LRIG3: variants seen among roughly 807,000 people sequenced by gnomAD.
The protein encoded by LRIG3 is leucine rich repeats and immunoglobulin like domains 3, also known as leucine-rich repeats and immunoglobulin-like domains protein 3.
In LRIG3, 76 loss-of-function variants were observed where a neutral mutation model predicts 114.5. The observed-to-expected ratio is 0.66, with a 90% CI of 0.55 to 0.80. The LOEUF is 0.80. Ranked by LOEUF, LRIG3 falls within the 30% of genes least tolerant of loss-of-function variation. The pLI, the probability that LRIG3 is intolerant of heterozygous loss-of-function variation, is 0.00. For synonymous variants in LRIG3, 512 were observed against 519.8 expected, an observed-to-expected ratio of 0.98 and a Z score of 0.20; for missense variants, 1,239 against 1,382.8, an observed-to-expected ratio of 0.90 and a Z score of 1.65.
intron 3 of LRIG3, among the ~76,000 whole-genome samples, chr12:58,905,836 C>T (rs1872044679): frequency 6.6e-6 from 1 of 152,158 alleles, no homozygotes; most frequent in African/African-American, 2.4e-5. Context: ...CCAAATGAGG[C>T]CCATCAACCT....
chr12:58,874,681 T>C, intron 16 of LRIG3, 108 bp from the exon 17 acceptor site: 1 of 1,432,628 alleles, frequency 7.0e-7, no homozygotes, highest in Non-Finnish European at 9.4e-7. Flanking sequence ...GACTAGAACA[T>C]CATATAGACA....
chr12:58,886,420 T>C (rs924941427), intron 9 of LRIG3, among the ~76,000 whole-genome samples: 1 of 151,792 alleles, frequency 6.6e-6, no homozygotes, highest in Non-Finnish European at 1.5e-5. Context: ...CACAGCATTA[T>C]CAGTGGCTAC....
intron 5 of LRIG3, among the ~76,000 whole-genome samples, chr12:58,889,648 C>A (rs1197404919): frequency 6.6e-6 from 1 of 152,124 alleles, no homozygotes; most frequent in Non-Finnish European, 1.5e-5. Flanking sequence ...CTTAAGCTAT[C>A]AGAGCCTCCT....
At chr12:58,910,337 C>G (rs1280065870) in intron 3 of LRIG3, among the ~76,000 whole-genome samples, 1 of 152,202 alleles carries the variant, frequency 6.6e-6, no homozygotes, top group Non-Finnish European at 1.5e-5. Context: ...TGGCAGGGCG[C>G]GGTGGCTCAC....
At position 58,877,565 on chromosome 12, in the gene LRIG3, C is replaced by A; in HGVS notation, c.2371G>T (p.Asp791Tyr). 1 of 1,614,188 alleles carries A rather than the reference C, an allele frequency of 6.2e-7. No homozygotes were observed. Among genetic ancestry groups the A allele is most frequent in the Non-Finnish European group, 8.5e-7 (1 of 1,180,042 alleles). The change falls in exon 15 of 19, where the codon GAC becomes TAC. Residue 791 changes from aspartate to tyrosine, a missense_variant. By Grantham distance (160) the Asp-to-Tyr change is radical (BLOSUM62 -3). Coordinates refer to ENST00000320743, the MANE Select transcript of LRIG3 (RefSeq NM_153377.5). ...RLSVIPTPTC[D>Y]SPQMTAPSLD... ...GATGGGGCTGTCATCTGAGGGGAGT[C>A]GCAGGTTGGAGTGGGGATCACACTG...
At chr12:58,874,717 G>A in intron 16 of LRIG3, 144 bp from the exon 17 acceptor site, 1 of 1,016,002 alleles carries the variant, frequency 9.8e-7, no homozygotes, top group Admixed American at 2.7e-5. Flanking sequence ...TTTACAGTAG[G>A]GTTTTAAAAA....
At chr12:58,899,816 G>A (rs11172808) in intron 3 of LRIG3, among the ~76,000 whole-genome samples, 9,287 of 152,168 alleles carry the variant, frequency 0.061, 309 homozygotes, top group East Asian at 0.11. Context: ...TGCCAGCACA[G>A]GTGAAGGAGG....
In LRIG3 at chr12:58,886,907, C is replaced by A. The variant is rs1381858518; in HGVS notation, c.1092-17G>T. On this transcript the variant is annotated splice_polypyrimidine_tract_variant and intron_variant, in intron 8 of 18. Transcript: ENST00000320743. ...TTCAGATCCCTAATTTTAAAAGAAG[C>A]ATTCCCTTTAGAGTGATAAGCTCAG... 1.9e-6 allele frequency: 3 copies of A among 1,603,470 alleles called. No homozygotes were observed. The highest frequency in any genetic ancestry group is 2.6e-6 in the Non-Finnish European group (3 of 1,170,892).
intron 5 of LRIG3, 22 bp from the exon 6 acceptor site, chr12:58,888,984 T>A: frequency 6.2e-7 from 1 of 1,605,114 alleles, no homozygotes; most frequent in Non-Finnish European, 8.5e-7. Flanking sequence ...ATTACAAGAG[T>A]TAGCTTATAT....
Position 58,877,844 on chromosome 12 carries a change from A to G in LRIG3, c.2092T>C (p.Ser698Pro). Reference sequence around the variant, plus strand: ...CGGTCCAACAGTGGCCGCAAAAATGATGGTGTTTCTGAAATAACAAGTTAT... The same window carrying G: ...CGGTCCAACAGTGGCCGCAAAAATGGTGGTGTTTCTGAAATAACAAGTTAT... ...NATLTVLETPSFLRPLLDRTV... is the reference protein window; with the variant it reads ...NATLTVLETPPFLRPLLDRTV... The change falls in exon 15 of 19, where the codon TCA becomes CCA. Residue 698 changes from serine to proline, a missense_variant. Ser to Pro is a moderately conservative substitution (Grantham distance 74). Coordinates refer to ENST00000320743, the MANE Select transcript of LRIG3 (RefSeq NM_153377.5). 1 of 1,597,212 alleles carries G rather than the reference A, an allele frequency of 6.3e-7. No individual in the cohort carries two copies. The highest frequency in any genetic ancestry group is 8.6e-7 in the Non-Finnish European group (1 of 1,166,524).
At chr12:58,876,837 A>C (rs1870937234) in intron 15 of LRIG3, among the ~76,000 whole-genome samples, 1 of 152,212 alleles carries the variant, frequency 6.6e-6, no homozygotes, top group African/African-American at 2.4e-5. Context: ...GCACCTCCCA[A>C]ATTTCAAAAC....
intron 3 of LRIG3, among the ~76,000 whole-genome samples, chr12:58,893,623 G>A (rs991524171): frequency 2.6e-5 from 4 of 152,166 alleles, no homozygotes; most frequent in African/African-American, 9.7e-5. Flanking sequence ...CCTAGGTCCC[G>A]GAGATGGATT....
chr12:58,920,404 T>G lies in LRIG3; in HGVS notation c.-169A>C. On this transcript the variant is annotated 5_prime_UTR_variant, in exon 1 of 19. Coordinates refer to ENST00000320743, the MANE Select transcript of LRIG3 (RefSeq NM_153377.5). Reference sequence around the variant, plus strand: ...TTTTACTCCCGGCGGCGAAGCCCTTTCATGCCCCCAAACAGCAGGAGGGAA... The same window carrying G: ...TTTTACTCCCGGCGGCGAAGCCCTTGCATGCCCCCAAACAGCAGGAGGGAA... 1 of 459,018 alleles carries G rather than the reference T, an allele frequency of 2.2e-6. No homozygotes were observed. The highest frequency in any genetic ancestry group is 3.7e-6 in the Non-Finnish European group (1 of 273,098). The allele number at this position is 459,018 out of a possible 1,614,324, so 28.4% of individuals were successfully genotyped here.
chr12:58,880,976 C>A, intron 12 of LRIG3, 75 bp from the exon 13 acceptor site: 1 of 1,372,970 alleles, frequency 7.3e-7, no homozygotes, highest in Non-Finnish European at 1.0e-6. Flanking sequence ...ATTTGAACAC[C>A]AAGAAATGCA....
chr12:58,890,789 T>C lies in LRIG3; in HGVS notation c.391A>G (p.Asn131Asp). 1.2e-6 allele frequency: 2 copies of C among 1,602,888 alleles called. No individual in the cohort carries two copies. Among genetic ancestry groups the C allele is most frequent in the Non-Finnish European group, 1.7e-6 (2 of 1,176,258 alleles). ...TCAGGGAGTATTTCAACAATCCTGT[T>C]TCCAGCCCTAGAATTAAAAGAAACC... ...ANITLLSLAG[N>D]RIVEILPEHL... is the part of the protein sequence containing the mutation. Residue 131 changes from asparagine to aspartate, a missense_variant, in exon 4 of 19, where the codon AAC becomes GAC. Coordinates refer to ENST00000320743, the MANE Select transcript of LRIG3 (RefSeq NM_153377.5).
At chr12:58,912,709 T>C (rs544353469) in intron 3 of LRIG3, among the ~76,000 whole-genome samples, 2 of 152,264 alleles carry the variant, frequency 1.3e-5, no homozygotes, top group African/African-American at 2.4e-5. Context: ...CAATATGCAG[T>C]GCGAGGACAG....
chr12:58,875,338 C>G (rs1342789654), intron 16 of LRIG3, among the ~76,000 whole-genome samples: 1 of 152,218 alleles, frequency 6.6e-6, no homozygotes. Flanking sequence ...AACCAGAATA[C>G]TCACTTCTAT....
At chr12:58,882,197 CAT>C (rs1223847417) in intron 12 of LRIG3, among the ~76,000 whole-genome samples, 1 of 152,120 alleles carries the variant, frequency 6.6e-6, no homozygotes, top group Non-Finnish European at 1.5e-5. Context: ...GTTTATAAAA[CAT>C]ATTTATTTTT....
At chr12:58,881,203 A>G (rs1229992500) in intron 12 of LRIG3, among the ~76,000 whole-genome samples, 2 of 152,226 alleles carry the variant, frequency 1.3e-5, no homozygotes, top group East Asian at 1.9e-4. Flanking sequence ...TATGCTTTCT[A>G]TAAGTAGAAG....
Sources: gnomAD v4.1 joint callset for allele counts (sites outside exome capture counted in the v4.1 genomes callset) on GRCh38, gnomAD v4.1.1 for gene constraint, MANE v1.5 for transcripts, NCBI Gene and HGNC (gene_info 2026-07-23, HGNC 2026-07-21) for gene names.